WDFY2: variants seen among roughly 807,000 people sequenced by gnomAD.
The protein encoded by WDFY2 is WD repeat and FYVE domain containing 2.
WDFY2 carries 36 observed loss-of-function variants against 56.4 expected under a neutral mutation model. That is an observed-to-expected ratio of 0.64 (90% CI 0.49 to 0.84). The LOEUF (loss-of-function observed/expected upper bound fraction) is 0.84. Among genes scored for constraint, WDFY2 ranks in the 40% least tolerant of loss-of-function variants. WDFY2 has a pLI of 0.00. For synonymous variants in WDFY2, 176 were observed against 183.7 expected (o/e 0.96, Z 0.34); for missense variants, 444 against 512.2 (o/e 0.87, Z 1.29).
intron 1 of WDFY2, among the ~76,000 whole-genome samples, chr13:51,621,076 T>C (rs2138356690): frequency 6.6e-6 from 1 of 152,376 alleles, no homozygotes; most frequent in Middle Eastern, 3.4e-3. Context: ...GAATAAAGCC[T>C]GAGGTAAACT....
At chr13:51,601,252 T>G (rs976702859) in intron 1 of WDFY2, among the ~76,000 whole-genome samples, 16 of 152,194 alleles carry the variant, frequency 1.1e-4, no homozygotes, top group African/African-American at 3.9e-4. Context: ...GGGCACAGCA[T>G]ATATCCTATC....
intron 1 of WDFY2, 108 bp downstream of exon 1, chr13:51,584,932 C>G: frequency 6.9e-7 from 1 of 1,457,322 alleles, no homozygotes; most frequent in Non-Finnish European, 9.2e-7. Context: ...AGACTTGCTC[C>G]CCCAAGTTTT....
At chr13:51,657,650 TTTTC>T (rs1211053911) in intron 1 of WDFY2, among the ~76,000 whole-genome samples, 1 of 152,182 alleles carries the variant, frequency 6.6e-6, no homozygotes, top group Non-Finnish European at 1.5e-5. Context: ...CTTTATTCTT[TTTTC>T]TTTCTTCTTC....
At chr13:51,692,610 G>A (rs527961783) in intron 3 of WDFY2, among the ~76,000 whole-genome samples, 42 of 152,212 alleles carry the variant, frequency 2.8e-4, no homozygotes, top group African/African-American at 9.6e-4. Context: ...ATTTTATTGA[G>A]GATTTTTGCA....
At chr13:51,725,695 ATTT>A (rs757477233) in intron 5 of WDFY2, among the ~76,000 whole-genome samples, 1 of 142,242 alleles carries the variant, frequency 7.0e-6, no homozygotes. Context: ...TATATACACA[ATTT>A]TTTTTTTTTT....
chr13:51,681,054 C>T (rs544089520), intron 3 of WDFY2, among the ~76,000 whole-genome samples: 11 of 152,144 alleles, frequency 7.2e-5, no homozygotes, highest in Admixed American at 1.3e-4. Context: ...TGTTTATTAC[C>T]GTGGATTATA....
chr13:51,758,058 G>A (rs1953454393), intron 10 of WDFY2, 134 bp from the exon 11 acceptor site: 7 of 460,872 alleles, frequency 1.5e-5, no homozygotes, highest in Non-Finnish European at 2.4e-5. Flanking sequence ...AATAAAGGCA[G>A]ATCTGAGGAG....
chr13:51,695,183 G>A (rs922526080), intron 3 of WDFY2, among the ~76,000 whole-genome samples: 4 of 152,190 alleles, frequency 2.6e-5, no homozygotes, highest in Non-Finnish European at 5.9e-5. Context: ...CTCTCAGCTC[G>A]TCAAAGGCAT....
chr13:51,662,498 C>T (rs1179429871), intron 2 of WDFY2, among the ~76,000 whole-genome samples: 3 of 152,018 alleles, frequency 2.0e-5, no homozygotes, highest in Admixed American at 6.5e-5. Flanking sequence ...ATAAGATGAG[C>T]GTTAATAGGG....
intron 5 of WDFY2, among the ~76,000 whole-genome samples, chr13:51,722,317 T>G (rs537562994): frequency 6.6e-6 from 1 of 152,052 alleles, no homozygotes; most frequent in African/African-American, 2.4e-5. Context: ...AAATATGCAA[T>G]GAAAATAACC....
chr13:51,624,305 G>C (rs1213040337), intron 1 of WDFY2, among the ~76,000 whole-genome samples: 1 of 152,192 alleles, frequency 6.6e-6, no homozygotes, highest in Non-Finnish European at 1.5e-5. Flanking sequence ...CCCAAGAACT[G>C]TGGTGCTAGC....
intron 1 of WDFY2, among the ~76,000 whole-genome samples, chr13:51,610,795 G>T (rs887341547): frequency 6.6e-6 from 1 of 152,098 alleles, no homozygotes; most frequent in East Asian, 1.9e-4. Context: ...AGATATTGCC[G>T]CTATTTTAGT....
chr13:51,714,337 G>A (rs1566169843), intron 4 of WDFY2, among the ~76,000 whole-genome samples: 1 of 152,056 alleles, frequency 6.6e-6, no homozygotes, highest in South Asian at 2.1e-4. Context: ...TGTCGCCCAG[G>A]CTGGAGTGCA....
At chr13:51,692,446 G>A (rs1422016719) in intron 3 of WDFY2, among the ~76,000 whole-genome samples, 3 of 152,210 alleles carry the variant, frequency 2.0e-5, no homozygotes, top group Admixed American at 2.0e-4. Context: ...CATCTATTGA[G>A]ATAATCATGT....
At chr13:51,707,245 TG>T (rs1339225097) in intron 4 of WDFY2, among the ~76,000 whole-genome samples, 2 of 152,170 alleles carry the variant, frequency 1.3e-5, no homozygotes, top group Admixed American at 1.3e-4. Context: ...CTGCAACCTC[TG>T]GCTCCTGGGC....
intron 3 of WDFY2, among the ~76,000 whole-genome samples, chr13:51,690,072 GA>G (rs1261800038): frequency 2.6e-5 from 4 of 151,514 alleles, no homozygotes; most frequent in Non-Finnish European, 5.9e-5. Context: ...TTTTGTTTTG[GA>G]AAAAATACTT....
Position 51,689,728 on chromosome 13 carries a change from C to A in WDFY2, c.280-13868C>A, listed in dbSNP as rs183283682. ...CTGGGTTCCTGGGTGAAACAATGTC[C>A]CATTGTTTGGTAGCCAGTGAAACCT... On this transcript the variant is annotated intron_variant, in intron 3 of 11. Transcript: ENST00000298125. 3.9e-3 allele frequency among the ~76,000 whole-genome samples: 599 copies of A among 152,132 alleles called. 5 individuals carry two copies. The highest frequency in any genetic ancestry group is 0.014 in the African/African-American group (574 of 41,494).
intron 3 of WDFY2, among the ~76,000 whole-genome samples, chr13:51,686,450 G>T (rs1956063867): frequency 6.6e-6 from 1 of 152,098 alleles, no homozygotes; most frequent in African/African-American, 2.4e-5. Flanking sequence ...AAGTTAAAGA[G>T]CAGTGTATTT....
At chr13:51,587,827 A>G (rs1344652746) in intron 1 of WDFY2, 4 of 152,162 alleles carry the variant, frequency 2.6e-5, no homozygotes, top group Non-Finnish European at 5.9e-5. Flanking sequence ...CCTAAATTTT[A>G]CCTCCCGTTG....
Sources: allele counts gnomAD v4.1 joint callset (sites outside exome capture counted in the v4.1 genomes callset), GRCh38; gene constraint gnomAD v4.1.1; transcripts MANE v1.5; gene names NCBI Gene and HGNC (gene_info 2026-07-23, HGNC 2026-07-21).